FGF12: variants seen among roughly 807,000 people sequenced by gnomAD.
The protein encoded by FGF12 is fibroblast growth factor 12B.
FGF12 carries 14 observed loss-of-function variants against 23.6 expected under a neutral mutation model. That is an observed-to-expected ratio of 0.59 (90% CI 0.39 to 0.93). The LOEUF (loss-of-function observed/expected upper bound fraction) is 0.93, where lower values mean the gene tolerates loss of function less well. Ranked by LOEUF, FGF12 falls within the 40% of genes least tolerant of loss-of-function variation. The pLI is 0.00. For synonymous variants in FGF12, 62 were observed against 77.3 expected, an observed-to-expected ratio of 0.80 and a Z score of 1.04; for missense variants, 175 against 217.8, an observed-to-expected ratio of 0.80 and a Z score of 1.24.
intron 2 of FGF12, among the ~76,000 whole-genome samples, chr3:192,669,144 T>C (rs1717009822): frequency 6.6e-6 from 1 of 152,188 alleles, no homozygotes; most frequent in South Asian, 2.1e-4. Context: ...AAATCGTATA[T>C]GTTAGAGTAG....
chr3:192,603,190 C>G (rs944297891), intron 2 of FGF12, among the ~76,000 whole-genome samples: 1 of 152,056 alleles, frequency 6.6e-6, no homozygotes, highest in African/African-American at 2.4e-5. Context: ...CCAGAGCAGT[C>G]GGACAAGAGA....
intron 2 of FGF12, among the ~76,000 whole-genome samples, chr3:192,665,090 T>G (rs931564458): frequency 6.6e-6 from 1 of 152,144 alleles, no homozygotes; most frequent in Non-Finnish European, 1.5e-5. Flanking sequence ...GAAATAAGAT[T>G]TCTGTATTAG....
chr3:192,474,229 T>A (rs922402761), intron 2 of FGF12, among the ~76,000 whole-genome samples: 8 of 152,236 alleles, frequency 5.3e-5, no homozygotes, highest in Non-Finnish European at 8.8e-5. Context: ...GATGTAGAAA[T>A]TAAAACTTTA....
At chr3:192,374,128 GT>G (rs1719366546) in intron 2 of FGF12, among the ~76,000 whole-genome samples, 1 of 152,176 alleles carries the variant, frequency 6.6e-6, no homozygotes, top group Admixed American at 6.5e-5. Flanking sequence ...GTTGCATTTT[GT>G]TTAGGTGTTA....
At chr3:192,634,219 G>A (rs772035883) in intron 2 of FGF12, among the ~76,000 whole-genome samples, 22 of 150,802 alleles carry the variant, frequency 1.5e-4, no homozygotes. Context: ...ATACACATGC[G>A]CACATACACG....
intron 2 of FGF12, among the ~76,000 whole-genome samples, chr3:192,648,197 T>G (rs1716084461): frequency 6.6e-6 from 1 of 152,122 alleles, no homozygotes; most frequent in Admixed American, 6.6e-5. Context: ...GTTATTTTTA[T>G]TATTGTAGGA....
intron 2 of FGF12, among the ~76,000 whole-genome samples, chr3:192,487,454 G>C (rs1375529164): frequency 3.3e-5 from 5 of 151,994 alleles, no homozygotes; most frequent in African/African-American, 1.2e-4. Context: ...TCCAAGCCTA[G>C]TGCTTAGCTT....
rs1713559032 is a variant in FGF12 at position 192,144,091 on chromosome 3, C to T, written c.464G>A (p.Gly155Glu). ...MYREPSLHEI[G>E]EKQGRSRKSS... ...TTTCCTTGAACGCCCTTGTTTTTCT[C>T]CAATTTCATGTAGCGATGGTTCTCT... Residue 155 changes from glycine (G) to glutamate (E), a missense_variant, in exon 6 of 6, where the codon GGA becomes GAA. By Grantham distance (98) the Gly-to-Glu change is moderately conservative. Transcript: ENST00000445105. 1 of 1,613,480 alleles carries T rather than the reference C, an allele frequency of 6.2e-7. No homozygotes were observed. Among genetic ancestry groups the T allele is most frequent in the African/African-American group, 1.3e-5 (1 of 74,890 alleles).
chr3:192,601,713 C>T (rs904939542), intron 2 of FGF12, among the ~76,000 whole-genome samples: 1 of 152,122 alleles, frequency 6.6e-6, no homozygotes, highest in Admixed American at 6.6e-5. Context: ...TCCAGAACCC[C>T]TGTGGATACC....
At chr3:192,453,593 G>C (rs1281155985) in intron 2 of FGF12, among the ~76,000 whole-genome samples, 2 of 152,128 alleles carry the variant, frequency 1.3e-5, no homozygotes, top group East Asian at 3.9e-4. Flanking sequence ...AATTCTTTAA[G>C]GTATTATTAG....
chr3:192,339,558 C>T (rs1717594765), intron 3 of FGF12, among the ~76,000 whole-genome samples: 1 of 152,148 alleles, frequency 6.6e-6, no homozygotes, highest in South Asian at 2.1e-4. Flanking sequence ...AGTTCCCCCT[C>T]GATCTTTAAC....
rs563959723 is a variant in FGF12 at position 192,683,901 on chromosome 3, G to C, written c.13+43280C>G. Among the ~76,000 whole-genome samples the C allele has an allele frequency of 2.6e-4, 39 of 152,248 alleles. No individual in the cohort carries two copies. In the Middle Eastern group the frequency reaches 0.014, roughly 53 times the overall value. On this transcript the variant is annotated intron_variant, in intron 2 of 5. Transcript: ENST00000445105. ...TCAACCTCCATTCCCTGCGCAATAG[G>C]AAGCATCAATTAACTGATCATAACC...
chr3:192,176,556 G>A (rs867208230), intron 4 of FGF12, among the ~76,000 whole-genome samples: 1 of 152,180 alleles, frequency 6.6e-6, no homozygotes, highest in Non-Finnish European at 1.5e-5. Flanking sequence ...TGACAGTACT[G>A]ATTCAGTCCC....
intron 2 of FGF12, among the ~76,000 whole-genome samples, chr3:192,561,154 A>G (rs1384272605): frequency 6.6e-6 from 1 of 151,930 alleles, no homozygotes; most frequent in East Asian, 1.9e-4. Context: ...TGCCATATAT[A>G]CACACACACA....
intron 4 of FGF12, among the ~76,000 whole-genome samples, chr3:192,197,259 G>C (rs1717115748): frequency 6.6e-6 from 1 of 152,034 alleles, no homozygotes; most frequent in Admixed American, 6.5e-5. Flanking sequence ...AAACTCTATA[G>C]ACAGTTACTG....
At chr3:192,173,354 C>T (rs1208269165) in intron 4 of FGF12, among the ~76,000 whole-genome samples, 1 of 150,668 alleles carries the variant, frequency 6.6e-6, no homozygotes, top group Non-Finnish European at 1.5e-5. Context: ...AGGAATGAAA[C>T]TATTGCACAT....
chr3:192,701,833 C>A (rs146769438), intron 2 of FGF12, among the ~76,000 whole-genome samples: 1 of 151,984 alleles, frequency 6.6e-6, no homozygotes, highest in African/African-American at 2.4e-5. Flanking sequence ...ACAGTCAAGC[C>A]AATTACCATT....
rs1005029245 is a variant in FGF12 at position 192,449,215 on chromosome 3, T to G, written c.14-88677A>C. On this transcript the variant is annotated intron_variant, in intron 2 of 5. Coordinates refer to ENST00000445105, the MANE Select transcript of FGF12 (RefSeq NM_004113.6). ...TCTGTTCTTTGCAGCAAACACAATA[T>G]TAAGCTTTGTCACTAGAGGGTGCTG... Among the ~76,000 whole-genome samples the G allele has an allele frequency of 3.3e-5, 5 of 152,192 alleles. No homozygotes were observed. In the East Asian group the frequency reaches 9.6e-4, roughly 29 times the overall value.
At chr3:192,624,085 T>A (rs1232233620) in intron 2 of FGF12, among the ~76,000 whole-genome samples, 1 of 152,124 alleles carries the variant, frequency 6.6e-6, no homozygotes, top group Non-Finnish European at 1.5e-5. Flanking sequence ...CTTTTTTCCA[T>A]ATTTTCTTTA....
Sources: gnomAD v4.1 joint callset for allele counts (sites outside exome capture counted in the v4.1 genomes callset) on GRCh38, gnomAD v4.1.1 for gene constraint, MANE v1.5 for transcripts, NCBI Gene and HGNC (gene_info 2026-07-23, HGNC 2026-07-21) for gene names.